Variants in PLXNB2 observed in about 807,000 individuals in gnomAD.
PLXNB2 encodes the protein plexin B2, also known as plexin-B2.
Under a neutral mutation model 202.6 loss-of-function variants are expected in PLXNB2, and 85 were observed. The ratio of observed to expected loss-of-function variants is 0.42; its 90% CI spans 0.35 to 0.50. The LOEUF (loss-of-function observed/expected upper bound fraction) is 0.50. Among genes scored for constraint, PLXNB2 ranks in the 20% least tolerant of loss-of-function variants. PLXNB2 has a pLI of 0.02. For missense variants in PLXNB2, 2,063 were observed against 2,586.2 expected (o/e 0.80, Z 4.39); for synonymous variants, 1,239 against 1,137.6 (o/e 1.09, Z -1.79).
Position 50,284,122 on chromosome 22 carries a change from T to C in PLXNB2, c.2263+10A>G. On this transcript the variant is annotated intron_variant, in intron 13 of 36. Transcript: ENST00000359337. This position sits in a 1 kb window ranked among gnomAD's most constrained non-coding sequence, Gnocchi z 8.0. ...CCCTGCCCGCCCCCCACTGCGCCCGTGGCCCCCACCATGGAGCTTGCTGTC... is the reference window on the plus strand; with the variant it reads ...CCCTGCCCGCCCCCCACTGCGCCCGCGGCCCCCACCATGGAGCTTGCTGTC... 2 of 1,547,842 alleles carry C rather than the reference T, an allele frequency of 1.3e-6. No individual in the cohort carries two copies. Among genetic ancestry groups the C allele is most frequent in the Non-Finnish European group, 8.8e-7 (1 of 1,131,390 alleles).
rs28573806 is a variant in PLXNB2 at position 50,289,363 on chromosome 22, T to C, written c.1068+154A>G. On this transcript the variant is annotated intron_variant, in intron 3 of 36. Transcript: ENST00000359337. The surrounding 1 kb of genome is among the most constrained non-coding windows in gnomAD (Gnocchi z 8.0). ...GGGACTGGCGCCAGCGTGAATGGCA[T>C]TGAGAGATGCGGCACCCACCCACGC... 0.41 allele frequency among the ~76,000 whole-genome samples: 62,451 copies of C among 152,000 alleles called. 13,317 individuals carry two copies. The highest frequency in any genetic ancestry group is 0.58 in the East Asian group (2,958 of 5,144).
At position 50,282,759 on chromosome 22, in the gene PLXNB2, C is replaced by A. The variant is rs79500228; in HGVS notation, c.2939G>T (p.Arg980Leu). Residue 980 changes from arginine (R) to leucine (L), a missense_variant, in exon 18 of 37, where the codon CGC becomes CTC. By Grantham distance (102) the Arg-to-Leu change is moderately radical (BLOSUM62 -2). Coordinates refer to ENST00000359337, the MANE Select transcript of PLXNB2 (RefSeq NM_012401.4). ...VPNPGIFFTY[R>L]ENPVLRAFEP... Reference sequence around the variant, plus strand: ...GAAGGCTCGCAGTACGGGGTTTTCGCGGTAGGTGAAGAAGATGCCGGGGTT... The same window carrying A: ...GAAGGCTCGCAGTACGGGGTTTTCGAGGTAGGTGAAGAAGATGCCGGGGTT... The A allele has an allele frequency of 1.9e-6, 3 of 1,575,504 alleles. No homozygotes were observed. Among genetic ancestry groups the A allele is most frequent in the Non-Finnish European group, 2.6e-6 (3 of 1,166,654 alleles).
intron 1 of PLXNB2, among the ~76,000 whole-genome samples, chr22:50,296,899 G>T (rs925003865): frequency 2.4e-4 from 37 of 152,304 alleles, no homozygotes; most frequent in South Asian, 1.2e-3. Context: ...GGGAAGGGAG[G>T]TGAGCTCCAC....
Position 50,279,009 on chromosome 22 carries a change from C to T in PLXNB2, c.4392G>A (p.Thr1464=), listed in dbSNP as rs376313712. ...LGDDVEYAPL[T]VSVIVQDEGV... is the part of the protein sequence containing the mutation. ...CCTCGTCCTGCACGATCACGCTCAC[C>T]GTCTGCCGAGACATCCGGGATGAAG... Residue 1464 remains threonine, a splice_region_variant and synonymous_variant, in exon 28 of 37, where the codon ACG becomes ACA. Coordinates refer to ENST00000359337, the MANE Select transcript of PLXNB2 (RefSeq NM_012401.4). 59 of 1,604,556 alleles carry T rather than the reference C, an allele frequency of 3.7e-5. No individual in the cohort carries two copies. The highest frequency in any genetic ancestry group is 5.0e-5 in the Admixed American group (3 of 59,522).
Position 50,288,021 on chromosome 22 carries a change from A to G in PLXNB2, c.1397T>C (p.Val466Ala). 2 of 1,560,908 alleles carry G rather than the reference A, an allele frequency of 1.3e-6. No individual in the cohort carries two copies. The highest frequency in any genetic ancestry group is 1.7e-6 in the Non-Finnish European group (2 of 1,153,174). Reference sequence around the variant, plus strand: ...GGTCGGGTAGCTCAGGCACTCCTGCACCGGCAGCCGGAACACCTAGGGCAG... The same window carrying G: ...GGTCGGGTAGCTCAGGCACTCCTGCGCCGGCAGCCGGAACACCTAGGGCAG... ...MTQDKVFRLP[V>A]QECLSYPTCT... The change falls in exon 6 of 37, where the codon GTG (valine) becomes GCG (alanine). Residue 466 changes from valine (V) to alanine (A), a missense_variant. By Grantham distance (64) the Val-to-Ala change is moderately conservative. This residue lies in a region of PLXNB2 where 1,303 missense variants were observed against 1,476.8 expected (regional missense o/e 0.88). Coordinates refer to ENST00000359337, the MANE Select transcript of PLXNB2 (RefSeq NM_012401.4). This position sits in a 1 kb window ranked among gnomAD's most constrained non-coding sequence, Gnocchi z 5.0.
At position 50,290,497 on chromosome 22, in the gene PLXNB2, T is replaced by C; in HGVS notation, c.88A>G (p.Ser30Gly). 1.9e-6 allele frequency: 3 copies of C among 1,612,826 alleles called. No individual in the cohort carries two copies. Among genetic ancestry groups the C allele is most frequent in the Non-Finnish European group, 2.5e-6 (3 of 1,179,992 alleles). The change falls in exon 3 of 37, where the codon AGC becomes GGC. Residue 30 changes from serine (S) to glycine (G), a missense_variant. Ser to Gly is a moderately conservative substitution (Grantham distance 56). Transcript: ENST00000359337. The part of the protein sequence containing the change: ...LRPRKLDFFR[S>G]EKELNHLAVD... The stretch of plus-strand genomic sequence containing the variant: ...GCCAGGTGGTTCAGCTCTTTCTCGC[T>C]GCGGAAGAAGTCCAGCTTGCGGGGC...
In PLXNB2 at chr22:50,307,535, G is replaced by A. The variant is rs2067936912; in HGVS notation, c.-74+18C>T. 2.0e-6 allele frequency: 2 copies of A among 979,710 alleles called. No homozygotes were observed. Among genetic ancestry groups the A allele is most frequent in the Non-Finnish European group, 1.2e-6 (1 of 826,620 alleles). The allele number at this position is 979,710 out of a possible 1,614,324, so 60.7% of individuals were successfully genotyped here. On this transcript the variant is annotated intron_variant, in intron 1 of 36. Coordinates refer to ENST00000359337, the MANE Select transcript of PLXNB2 (RefSeq NM_012401.4). ...CCAGCGAGACGTCCCCCGCAGCCCAGTCCCCCGAGCTCGGTACCTGCACGT... is the reference window on the plus strand; with the variant it reads ...CCAGCGAGACGTCCCCCGCAGCCCAATCCCCCGAGCTCGGTACCTGCACGT...
At chr22:50,283,303 C>T (rs200612211) in intron 16 of PLXNB2, 34 bp downstream of exon 16, 58 of 1,610,096 alleles carry the variant, frequency 3.6e-5, no homozygotes, top group Middle Eastern at 1.7e-4. Context: ...CCGGTCCTCC[C>T]GGGTTCGGCA....
In PLXNB2 at chr22:50,277,974, C is replaced by A; in HGVS notation, c.4927G>T (p.Val1643Leu). The change falls in exon 32 of 37, where the codon GTG becomes TTG. Residue 1643 changes from valine to leucine, a missense_variant. Physicochemically the swap from Val to Leu is conservative, Grantham distance 32. Coordinates refer to ENST00000359337, the MANE Select transcript of PLXNB2 (RefSeq NM_012401.4). ...GGCACCGCGTGCCCAGGCGCCAGCA[C>A]GCTCTGGAAGAAGTTGTCCACAAAC... The part of the protein sequence containing the change: ...QQFVDNFFQS[V>L]LAPGHAVPPA... 1 of 1,612,982 alleles carries A rather than the reference C, an allele frequency of 6.2e-7. No homozygotes were observed. The highest frequency in any genetic ancestry group is 8.5e-7 in the Non-Finnish European group (1 of 1,179,864).
At position 50,289,904 on chromosome 22, in the gene PLXNB2, G is replaced by C; in HGVS notation, c.681C>G (p.Tyr227Ter). The change falls in exon 3 of 37, where the codon TAC becomes TAG. Residue 227 changes from tyrosine (Y) to a stop codon, truncating the protein, a stop_gained. Coordinates refer to ENST00000359337, the MANE Select transcript of PLXNB2 (RefSeq NM_012401.4). LOFTEE classifies it high-confidence loss of function. This position sits in a 1 kb window ranked among gnomAD's most constrained non-coding sequence, Gnocchi z 8.0. ...QFVAAFEDGP[Y>*]VFFVFNQQDK... ...CCTGCTGGTTGAAGACAAAGAAGAC[G>C]TAGGGGCCGTCCTCGAAGGCCGCCA... The C allele has an allele frequency of 6.2e-7, 1 of 1,613,202 alleles. No individual in the cohort carries two copies. Among genetic ancestry groups the C allele is most frequent in the Non-Finnish European group, 8.5e-7 (1 of 1,180,040 alleles).
chr22:50,277,798 T>C, intron 32 of PLXNB2, 55 bp downstream of exon 32: 1 of 1,602,150 alleles, frequency 6.2e-7, no homozygotes, highest in Non-Finnish European at 8.5e-7. Flanking sequence ...GTGTGGAGCC[T>C]CCCAAGTGAG....
chr22:50,296,381 G>A (rs1026041831), intron 1 of PLXNB2, among the ~76,000 whole-genome samples: 5 of 144,952 alleles, frequency 3.4e-5, no homozygotes, highest in Admixed American at 1.3e-4. Context: ...GCAACAGAGC[G>A]AGACCCTGAC....
At chr22:50,300,241 C>T in intron 1 of PLXNB2, 1 of 983,224 alleles carries the variant, frequency 1.0e-6, no homozygotes, top group Non-Finnish European at 1.2e-6. Flanking sequence ...GACAGTCACA[C>T]GAGCGCAGGA....
At position 50,284,499 on chromosome 22, in the gene PLXNB2, T is replaced by C; in HGVS notation, c.2181+74A>G. ...CTCCCTGCTGCCCCTCCCCTCACAG[T>C]CCTGAAGGTGACCCCCCACCCCACC... On this transcript the variant is annotated intron_variant, in intron 12 of 36. Transcript: ENST00000359337. This position sits in a 1 kb window ranked among gnomAD's most constrained non-coding sequence, Gnocchi z 8.0. 1 of 1,144,176 alleles carries C rather than the reference T, an allele frequency of 8.7e-7. No homozygotes were observed. The highest frequency in any genetic ancestry group is 1.5e-5 in the African/African-American group (1 of 65,240). The allele number at this position is 1,144,176 out of a possible 1,614,324, so 70.9% of individuals were successfully genotyped here.
Position 50,283,649 on chromosome 22 carries a change from G to T in PLXNB2, c.2523C>A (p.Ala841=), listed in dbSNP as rs372042762. Residue 841 remains alanine, a synonymous_variant, in exon 15 of 37, where the codon GCC becomes GCA. Coordinates refer to ENST00000359337, the MANE Select transcript of PLXNB2 (RefSeq NM_012401.4). Reference sequence around the variant, plus strand: ...CCGGCTGAAAGGAGCAGTTCCGGCCGGCCACAGAGATCCTCTGGATGTCCC... The same window carrying T: ...CCGGCTGAAAGGAGCAGTTCCGGCCTGCCACAGAGATCCTCTGGATGTCCC... ...QAGDIQRISV[A]GRNCSFQPER... 6.2e-7 allele frequency: 1 copy of T among 1,613,082 alleles called. No individual in the cohort carries two copies. Among genetic ancestry groups the T allele is most frequent in the East Asian group, 2.2e-5 (1 of 44,870 alleles).
intron 1 of PLXNB2, among the ~76,000 whole-genome samples, chr22:50,299,855 C>G (rs1270128011): frequency 2.0e-5 from 3 of 152,154 alleles, no homozygotes; most frequent in Non-Finnish European, 4.4e-5. Context: ...GGCGGGCACC[C>G]GGCCTGTGTG....
Position 50,275,752 on chromosome 22 carries a change from G to A in PLXNB2, c.5469C>T (p.Arg1823=). 6.2e-7 allele frequency: 1 copy of A among 1,612,334 alleles called. No individual in the cohort carries two copies. The highest frequency in any genetic ancestry group is 1.1e-5 in the South Asian group (1 of 91,074). Reference sequence around the variant, plus strand: ...CCAGTGCAGCGGCAATCTGCTGCAGGCGGAAGGCCAGCTGCATCTTCTGGG... The same window carrying A: ...CCAGTGCAGCGGCAATCTGCTGCAGACGGAAGGCCAGCTGCATCTTCTGGG... The part of the protein sequence containing the change: ...PAAQKMQLAF[R]LQQIAAALEN... Residue 1823 remains arginine (R), a synonymous_variant, in exon 37 of 37, where the codon CGC becomes CGT. Transcript: ENST00000359337.
intron 25 of PLXNB2, 92 bp from the exon 26 acceptor site, chr22:50,280,163 G>T: frequency 9.5e-7 from 1 of 1,050,928 alleles, no homozygotes; most frequent in Non-Finnish European, 1.4e-6. Flanking sequence ...CCTTGCGCCA[G>T]CCTCGCCCCT....
intron 25 of PLXNB2, 60 bp downstream of exon 25, chr22:50,280,429 C>T: frequency 6.7e-7 from 1 of 1,494,812 alleles, no homozygotes; most frequent in Non-Finnish European, 9.0e-7. Flanking sequence ...CCGCCACCAG[C>T]CCCAGAGCCC....
Sources: allele counts gnomAD v4.1 joint callset (sites outside exome capture counted in the v4.1 genomes callset), GRCh38; gene constraint gnomAD v4.1.1; regional missense constraint gnomAD v4.1.1; non-coding constraint Gnocchi (gnomAD v3.1); transcripts MANE v1.5; gene names NCBI Gene and HGNC (gene_info 2026-07-23, HGNC 2026-07-21).